ENTREP1: variants seen among roughly 807,000 people sequenced by gnomAD.
The protein encoded by ENTREP1 is Friedreich ataxia region gene X123.
At chr9:69,369,299 G>T in the ENTREP1 span, among the ~76,000 whole-genome samples, 1 of 152,112 alleles carries the variant, frequency 6.6e-6, no homozygotes, top group Admixed American at 6.5e-5. Flanking sequence ...ATACGTGTGT[G>T]TGTGTGTCTT....
At chr9:69,336,602 C>A in the ENTREP1 span, among the ~76,000 whole-genome samples, 2 of 152,168 alleles carry the variant, frequency 1.3e-5, no homozygotes, top group Non-Finnish European at 2.9e-5. Context: ...ATAATGAACT[C>A]CCTGTACCCA....
At chr9:69,362,466 T>C in the ENTREP1 span, among the ~76,000 whole-genome samples, 5 of 152,196 alleles carry the variant, frequency 3.3e-5, no homozygotes, top group Non-Finnish European at 7.3e-5. Flanking sequence ...AAATACTGAA[T>C]TGAAAAACAT....
At chr9:69,377,741 G>A in the ENTREP1 span, 37 of 1,610,858 alleles carry the variant, frequency 2.3e-5, no homozygotes, top group East Asian at 4.5e-5. Context: ...CGGATGAACC[G>A]CAGGTATCGT....
the ENTREP1 span, chr9:69,325,243 G>GGCTCC: frequency 1.8e-6 from 2 of 1,085,022 alleles, no homozygotes; most frequent in Middle Eastern, 4.1e-4. Context: ...CCTTCGGCTC[G>GGCTCC]GCTCCGCTCC....
chr9:69,354,254 A>ATTTTTTTTTT, the ENTREP1 span, among the ~76,000 whole-genome samples: 10 of 105,646 alleles, frequency 9.5e-5, no homozygotes, highest in Admixed American at 2.5e-4. Flanking sequence ...CTATTGCAAC[A>ATTTTTTTTTT]TTTTTTTTTT....
chr9:69,388,827 A>G, the ENTREP1 span, among the ~76,000 whole-genome samples: 1 of 152,236 alleles, frequency 6.6e-6, no homozygotes, highest in Non-Finnish European at 1.5e-5. Context: ...CCCTTTGGAA[A>G]TGATGACATA....
the ENTREP1 span, chr9:69,392,012 G>A: frequency 3.4e-6 from 2 of 592,430 alleles, no homozygotes; most frequent in Admixed American, 3.0e-5. Flanking sequence ...GATGCACTGA[G>A]TTGGAGGTTA....
the ENTREP1 span, among the ~76,000 whole-genome samples, chr9:69,334,361 T>C: frequency 6.6e-6 from 1 of 152,244 alleles, no homozygotes; most frequent in African/African-American, 2.4e-5. Context: ...ATATGGTTTT[T>C]GATCCTTGAT....
chr9:69,352,971 T>C, the ENTREP1 span, among the ~76,000 whole-genome samples: 1 of 152,092 alleles, frequency 6.6e-6, no homozygotes, highest in African/African-American at 2.4e-5. Context: ...CCCCCATCTC[T>C]ACAAAAACTT....
the ENTREP1 span, among the ~76,000 whole-genome samples, chr9:69,365,258 C>T: frequency 6.6e-6 from 1 of 152,150 alleles, no homozygotes; most frequent in Non-Finnish European, 1.5e-5. Context: ...TCCCTGCCCT[C>T]CTCACAAATA....
At chr9:69,361,148 A>G in the ENTREP1 span, among the ~76,000 whole-genome samples, 1 of 152,268 alleles carries the variant, frequency 6.6e-6, no homozygotes, top group Admixed American at 6.5e-5. Context: ...TAATTTGTAT[A>G]TGGTACCATG....
At chr9:69,389,940 T>G in the ENTREP1 span, among the ~76,000 whole-genome samples, 1 of 152,166 alleles carries the variant, frequency 6.6e-6, no homozygotes, top group Non-Finnish European at 1.5e-5. Flanking sequence ...AACCTAGAGG[T>G]GAGCTTTCAC....
the ENTREP1 span, among the ~76,000 whole-genome samples, chr9:69,341,672 T>C: frequency 6.6e-6 from 1 of 152,092 alleles, no homozygotes. Context: ...TAGATTGTGG[T>C]CTTTTTTTTC....
chr9:69,387,337 C>T, the ENTREP1 span: 1 of 152,514 alleles, frequency 6.6e-6, no homozygotes, highest in Non-Finnish European at 1.5e-5. Context: ...CTTTGAATTT[C>T]TAAATTGCTG....
chr9:69,340,666 C>CATGTGTGTGTGTAT, the ENTREP1 span, among the ~76,000 whole-genome samples: 11 of 108,718 alleles, frequency 1.0e-4, no homozygotes, highest in Admixed American at 1.9e-4. Flanking sequence ...TGTGTGTGTG[C>CATGTGTGTGTGTAT]GTGTGTGTGT....
At chr9:69,337,811 CTT>C in the ENTREP1 span, among the ~76,000 whole-genome samples, 1 of 152,072 alleles carries the variant, frequency 6.6e-6, no homozygotes, top group East Asian at 1.9e-4. Context: ...TATAATATCT[CTT>C]ATTTTTATTT....
the ENTREP1 span, among the ~76,000 whole-genome samples, chr9:69,366,156 C>T: frequency 6.6e-6 from 1 of 152,100 alleles, no homozygotes; most frequent in South Asian, 2.1e-4. Flanking sequence ...CAATGTATAA[C>T]AGTTCCTTTC....
chr9:69,364,763 G>A, the ENTREP1 span, among the ~76,000 whole-genome samples: 1 of 152,276 alleles, frequency 6.6e-6, no homozygotes, highest in East Asian at 1.9e-4. Flanking sequence ...TTTGACCAGA[G>A]TTTTAATAAC....
chr9:69,351,129 A>G, the ENTREP1 span, among the ~76,000 whole-genome samples: 410 of 152,256 alleles, frequency 2.7e-3, 6 homozygotes, highest in East Asian at 0.042. Flanking sequence ...ACAGAACCTT[A>G]TTTTCATCTC....
Sources: allele counts gnomAD v4.1 joint callset (sites outside exome capture counted in the v4.1 genomes callset), GRCh38; gene constraint gnomAD v4.1.1; transcripts MANE v1.5; gene names NCBI Gene and HGNC (gene_info 2026-07-23, HGNC 2026-07-21).